The following SRGAP3 variants were observed in gnomAD, a reference collection of about 807,000 sequenced individuals.
SRGAP3 encodes SLIT-ROBO Rho GTPase activating protein 3, also known as SLIT-ROBO Rho GTPase-activating protein 3.
A neutral mutation model predicts 121.1 loss-of-function variants in SRGAP3; 39 were observed. The observed-to-expected ratio is 0.32, with a 90% confidence interval of 0.25 to 0.42. The LOEUF (loss-of-function observed/expected upper bound fraction) is 0.42. SRGAP3 is among the 10% of genes least tolerant of loss of function. The pLI is 1.00. For missense variants in SRGAP3, 1,213 were observed against 1,470.6 expected (o/e 0.82, Z 2.86); for synonymous variants, 601 against 570.0 (o/e 1.05, Z -0.77).
intron 3 of SRGAP3, among the ~76,000 whole-genome samples, chr3:9,283,349 A>AT (rs1236411889): frequency 4.6e-5 from 7 of 152,072 alleles, no homozygotes; most frequent in African/African-American, 9.7e-5. Context: ...CTTTGAATGG[A>AT]TTTTTTCTTA....
intron 1 of SRGAP3, among the ~76,000 whole-genome samples, chr3:9,248,554 A>G (rs752975737): frequency 2.0e-5 from 3 of 152,188 alleles, no homozygotes; most frequent in Non-Finnish European, 4.4e-5. Flanking sequence ...GGAGGTAGTG[A>G]CTATCAAAAT....
At position 9,028,961 on chromosome 3, in the gene SRGAP3, C is replaced by A. The variant is rs373019954; in HGVS notation, c.1540-1966G>T. Reference sequence around the variant, plus strand: ...TCAGGGGAGCGCCATCGGCTCTTTCCACCTGTGCAGCAGGTCCATCTCTGG... The same window carrying A: ...TCAGGGGAGCGCCATCGGCTCTTTCAACCTGTGCAGCAGGTCCATCTCTGG... On this transcript the variant is annotated intron_variant, in intron 12 of 21. Coordinates refer to ENST00000383836, the MANE Select transcript of SRGAP3 (RefSeq NM_014850.4). Among the ~76,000 whole-genome samples the A allele has an allele frequency of 4.6e-5, 7 of 152,148 alleles. No individual in the cohort carries two copies. The East Asian group carries it at 1.2e-3, about 25-fold the overall frequency.
chr3:9,235,625 T>A (rs1953380109), intron 1 of SRGAP3: 1 of 150,578 alleles, frequency 6.6e-6, no homozygotes, highest in Non-Finnish European at 1.5e-5. Context: ...TGCCTCAGCC[T>A]CCCGATTAGC....
chr3:9,022,628 C>T (rs559696161), intron 14 of SRGAP3, among the ~76,000 whole-genome samples: 89 of 152,196 alleles, frequency 5.8e-4, no homozygotes, highest in Non-Finnish European at 1.2e-4. Flanking sequence ...TATCAAGGAA[C>T]AGAAAAGAGT....
intron 14 of SRGAP3, among the ~76,000 whole-genome samples, chr3:9,023,526 C>T (rs1944028162): frequency 6.6e-6 from 1 of 152,150 alleles, no homozygotes; most frequent in South Asian, 2.1e-4. Flanking sequence ...GGAAACCTTC[C>T]CTGGCTTTGC....
intron 4 of SRGAP3, among the ~76,000 whole-genome samples, chr3:9,075,794 G>T (rs1019726287): frequency 6.6e-6 from 1 of 152,216 alleles, no homozygotes; most frequent in Non-Finnish European, 1.5e-5. Context: ...GGAGGAGGGG[G>T]ACTGTAGACT....
intron 2 of SRGAP3, among the ~76,000 whole-genome samples, chr3:9,115,454 A>G (rs1275272649): frequency 6.6e-6 from 1 of 152,222 alleles, no homozygotes; most frequent in Non-Finnish European, 1.5e-5. Context: ...ATGCATGCAT[A>G]AAGAAATCAC....
At chr3:9,089,824 GATCAGAGACAA>G (rs2124845909) in intron 3 of SRGAP3, among the ~76,000 whole-genome samples, 1 of 152,304 alleles carries the variant, frequency 6.6e-6, no homozygotes, top group African/African-American at 2.4e-5. Flanking sequence ...TCAGTGATCA[GATCAGAGACAA>G]ACACGTGTTC....
chr3:8,988,202 C>T (rs2247387), intron 21 of SRGAP3, among the ~76,000 whole-genome samples: 20 of 152,132 alleles, frequency 1.3e-4, no homozygotes, highest in Non-Finnish European at 1.3e-4. Flanking sequence ...CATCTCCTCC[C>T]CAATTCGATC....
At chr3:9,044,588 C>T (rs979720855) in intron 10 of SRGAP3, among the ~76,000 whole-genome samples, 5 of 152,144 alleles carry the variant, frequency 3.3e-5, no homozygotes, top group African/African-American at 9.7e-5. Flanking sequence ...GAAAGCGAAA[C>T]CACAAATAAA....
At chr3:9,312,230 G>C (rs939662376) in intron 3 of SRGAP3, among the ~76,000 whole-genome samples, 37 of 152,064 alleles carry the variant, frequency 2.4e-4, no homozygotes, top group Non-Finnish European at 2.4e-4. Context: ...TCTTGGCTCA[G>C]TGCAACCTCT....
At chr3:9,317,039 A>T (rs1955358804) in intron 3 of SRGAP3, among the ~76,000 whole-genome samples, 1 of 152,142 alleles carries the variant, frequency 6.6e-6, no homozygotes, top group Admixed American at 6.5e-5. Context: ...GCTCACACCA[A>T]TCCCAAGTGG....
chr3:9,359,360 T>C (rs970812670), intron 1 of SRGAP3, among the ~76,000 whole-genome samples: 5 of 152,182 alleles, frequency 3.3e-5, no homozygotes, highest in Admixed American at 1.3e-4. Context: ...AGTTTTTAAC[T>C]CAAAATCCTC....
chr3:9,226,760 T>C (rs1279571502), intron 1 of SRGAP3, among the ~76,000 whole-genome samples: 1 of 152,198 alleles, frequency 6.6e-6, no homozygotes, highest in Non-Finnish European at 1.5e-5. Context: ...TGGCCATCCA[T>C]TCACAGCTAC....
chr3:9,291,877 A>G (rs1205781932), intron 3 of SRGAP3, among the ~76,000 whole-genome samples: 1 of 152,208 alleles, frequency 6.6e-6, no homozygotes, highest in African/African-American at 2.4e-5. Context: ...AGACAGAGTG[A>G]GCCAAATTAT....
intron 5 of SRGAP3, among the ~76,000 whole-genome samples, chr3:9,063,124 CTTTTT>C (rs766958753): frequency 4.1e-4 from 33 of 80,010 alleles, no homozygotes; most frequent in East Asian, 4.1e-3. Flanking sequence ...TAGAGACAAT[CTTTTT>C]TTTTTTTTTT....
At chr3:9,052,929 T>C (rs900057482) in intron 9 of SRGAP3, 98 bp downstream of exon 9, 34 of 1,408,878 alleles carry the variant, frequency 2.4e-5, no homozygotes, top group Non-Finnish European at 2.6e-5. Flanking sequence ...AATTGACCCA[T>C]GTGGTTTCTC....
At chr3:9,357,386 G>C (rs566914847) in intron 1 of SRGAP3, among the ~76,000 whole-genome samples, 1 of 152,050 alleles carries the variant, frequency 6.6e-6, no homozygotes, top group Non-Finnish European at 1.5e-5. Flanking sequence ...CGAAAGACAT[G>C]TGGTCTTTCG....
At chr3:9,014,049 CAAG>C (rs1430048973) in intron 15 of SRGAP3, 27 of 630,720 alleles carry the variant, frequency 4.3e-5, no homozygotes, top group Non-Finnish European at 6.1e-5. Context: ...GTGGCCTAAT[CAAG>C]AACCAATCAG....
Sources: gnomAD v4.1 joint callset for allele counts (sites outside exome capture counted in the v4.1 genomes callset) on GRCh38, gnomAD v4.1.1 for gene constraint, MANE v1.5 for transcripts, NCBI Gene and HGNC (gene_info 2026-07-23, HGNC 2026-07-21) for gene names.